The following CA10 variants were observed in gnomAD, a reference collection of about 807,000 sequenced individuals.
CA10 encodes carbonic anhydrase-related protein 10.
A neutral mutation model predicts 44.2 loss-of-function variants in CA10; 14 were observed. The ratio of observed to expected loss-of-function variants is 0.32; its 90% CI spans 0.21 to 0.50. The LOEUF (loss-of-function observed/expected upper bound fraction) is 0.50, where lower values mean the gene tolerates loss of function less well. CA10 is among the 20% of genes least tolerant of loss of function. The pLI is 0.99. For missense variants in CA10, 350 were observed against 409.7 expected (o/e 0.85, Z 1.26); for synonymous variants, 159 against 141.6 (o/e 1.12, Z -0.87).
intron 2 of CA10, among the ~76,000 whole-genome samples, chr17:51,974,102 T>C (rs760535896): frequency 6.6e-6 from 1 of 152,110 alleles, no homozygotes; most frequent in African/African-American, 2.4e-5. Context: ...AAAGAAATTA[T>C]AGGCTGGGCG....
chr17:52,128,175 T>C (rs1195231522), intron 1 of CA10, among the ~76,000 whole-genome samples: 1 of 152,224 alleles, frequency 6.6e-6, no homozygotes, highest in Admixed American at 6.5e-5. Context: ...TTCTCTGCTC[T>C]CCTAAGCCTG....
At chr17:51,915,728 C>G (rs943749322) in intron 3 of CA10, among the ~76,000 whole-genome samples, 1 of 152,048 alleles carries the variant, frequency 6.6e-6, no homozygotes, top group Non-Finnish European at 1.5e-5. Context: ...ACATTGATGT[C>G]TTATTGCTAT....
At chr17:51,959,797 G>GAAAAAAAAAAAAAAAAAAAGAA (rs3062037) in intron 2 of CA10, among the ~76,000 whole-genome samples, 2 of 112,360 alleles carry the variant, frequency 1.8e-5, no homozygotes, top group Non-Finnish European at 3.5e-5. Context: ...CTGCTAAGAT[G>GAAAAAAAAAAAAAAAAAAAGAA]AAAAAAAAAA....
At chr17:51,987,202 AG>A (rs1218943018) in intron 2 of CA10, among the ~76,000 whole-genome samples, 2 of 152,206 alleles carry the variant, frequency 1.3e-5, no homozygotes, top group South Asian at 2.1e-4. Flanking sequence ...AGCCATAAAA[AG>A]GAATGAATTA....
chr17:51,668,795 G>C (rs1914302013), intron 4 of CA10, among the ~76,000 whole-genome samples: 1 of 152,180 alleles, frequency 6.6e-6, no homozygotes, highest in South Asian at 2.1e-4. Context: ...GTGTGAACCA[G>C]GGCTGTGCCT....
intron 3 of CA10, among the ~76,000 whole-genome samples, chr17:51,822,069 C>T (rs1354010880): frequency 1.3e-5 from 2 of 152,124 alleles, no homozygotes; most frequent in Admixed American, 1.3e-4. Flanking sequence ...ATCCTTTCTA[C>T]AGATATACAC....
intron 1 of CA10, among the ~76,000 whole-genome samples, chr17:52,157,328 G>A (rs1361119937): frequency 6.6e-6 from 1 of 152,046 alleles, no homozygotes; most frequent in Non-Finnish European, 1.5e-5. Context: ...AGGGCCCCGC[G>A]TCCATTTTGC....
At position 51,638,409 on chromosome 17, in the gene CA10, G is replaced by A. The variant is rs116701406; in HGVS notation, c.635-2400C>T. Among the ~76,000 whole-genome samples, 1,001 of 152,244 alleles carry A rather than the reference G, an allele frequency of 6.6e-3. 9 individuals are homozygous for A. The highest frequency in any genetic ancestry group is 0.023 in the African/African-American group (936 of 41,540). ...TTCATTTAAATGTTTCTACCTTTCC[G>A]TCAAAACACCAAGGAACGAGGACAT... is the stretch of plus-strand genomic sequence containing the variant. On this transcript the variant is annotated intron_variant, in intron 6 of 8. Coordinates refer to ENST00000451037, the MANE Select transcript of CA10 (RefSeq NM_020178.5).
At chr17:51,862,610 C>T (rs893993684) in intron 3 of CA10, among the ~76,000 whole-genome samples, 4 of 152,028 alleles carry the variant, frequency 2.6e-5, no homozygotes, top group Non-Finnish European at 4.4e-5. Flanking sequence ...TTGCTTGGAT[C>T]GCCATAACAA....
At chr17:51,832,686 T>C (rs1479581107) in intron 3 of CA10, among the ~76,000 whole-genome samples, 2 of 152,140 alleles carry the variant, frequency 1.3e-5, no homozygotes, top group Non-Finnish European at 2.9e-5. Context: ...ACCAGGAGCT[T>C]TAAGGTGATT....
At chr17:51,979,355 TA>T (rs1476392083) in intron 2 of CA10, among the ~76,000 whole-genome samples, 1 of 152,152 alleles carries the variant, frequency 6.6e-6, no homozygotes, top group East Asian at 1.9e-4. Context: ...ATTTTATATT[TA>T]GGGGTACATG....
intron 2 of CA10, among the ~76,000 whole-genome samples, chr17:52,046,411 G>A (rs189855356): frequency 6.0e-4 from 91 of 151,592 alleles, no homozygotes; most frequent in Non-Finnish European, 9.5e-4. Flanking sequence ...TACAGACACC[G>A]AAAGTATACT....
chr17:51,963,616 C>T (rs182597963), intron 2 of CA10, among the ~76,000 whole-genome samples: 1 of 152,244 alleles, frequency 6.6e-6, no homozygotes, highest in Admixed American at 6.5e-5. Flanking sequence ...CTATTTTTAG[C>T]ACTTTTAAAG....
In CA10 at chr17:51,882,599, G is replaced by A. The variant is rs182413597; in HGVS notation, c.279+48391C>T. Among the ~76,000 whole-genome samples the A allele has an allele frequency of 8.5e-5, 13 of 152,284 alleles. No homozygotes were observed. The East Asian group carries it at 1.5e-3, about 18-fold the overall frequency. The stretch of plus-strand genomic sequence containing the variant: ...GGTAACACTTGACTGTGATAATGCC[G>A]CCTGATTTAGGATGTCAAGTACTTG... On this transcript the variant is annotated intron_variant, in intron 3 of 8. Coordinates refer to ENST00000451037, the MANE Select transcript of CA10 (RefSeq NM_020178.5).
At chr17:51,651,901 C>T (rs762556931) in intron 5 of CA10, among the ~76,000 whole-genome samples, 3 of 152,188 alleles carry the variant, frequency 2.0e-5, no homozygotes, top group African/African-American at 4.8e-5. Flanking sequence ...GACCTATCTA[C>T]GGCTTCACAG....
chr17:51,725,105 T>C (rs1447994846), intron 4 of CA10, among the ~76,000 whole-genome samples: 4 of 152,176 alleles, frequency 2.6e-5, no homozygotes, highest in Non-Finnish European at 4.4e-5. Context: ...AATCAGTAAA[T>C]GACAGGACTG....
At chr17:51,756,100 A>C (rs1348249958) in intron 3 of CA10, among the ~76,000 whole-genome samples, 1 of 151,950 alleles carries the variant, frequency 6.6e-6, no homozygotes, top group Non-Finnish European at 1.5e-5. Flanking sequence ...ATGAGCTTGA[A>C]TCAACAGATT....
chr17:51,722,307 C>T (rs953245850), intron 4 of CA10, among the ~76,000 whole-genome samples: 12 of 152,060 alleles, frequency 7.9e-5, no homozygotes, highest in Non-Finnish European at 1.5e-4. Context: ...TCATGCCTCC[C>T]CAGCCACTTC....
At chr17:51,862,511 A>T (rs1979357712) in intron 3 of CA10, among the ~76,000 whole-genome samples, 1 of 152,014 alleles carries the variant, frequency 6.6e-6, no homozygotes, top group Non-Finnish European at 1.5e-5. Context: ...GCCTTACAGT[A>T]ATCATATTTT....
Sources: gnomAD v4.1 joint callset for allele counts (sites outside exome capture counted in the v4.1 genomes callset) on GRCh38, gnomAD v4.1.1 for gene constraint, MANE v1.5 for transcripts, NCBI Gene and HGNC (gene_info 2026-07-23, HGNC 2026-07-21) for gene names.